Variants in DSCAML1 observed in about 807,000 individuals in gnomAD.
DSCAML1 encodes cell adhesion molecule DSCAML1.
Under a neutral mutation model 200.5 loss-of-function variants are expected in DSCAML1, and 38 were observed. That is an observed-to-expected ratio of 0.19 (90% CI 0.15 to 0.25). The LOEUF (loss-of-function observed/expected upper bound fraction) is 0.25, where lower values mean the gene tolerates loss of function less well. Among genes scored for constraint, DSCAML1 ranks in the 10% least tolerant of loss-of-function variants. The pLI is 1.00. For missense variants in DSCAML1, 2,223 were observed against 2,858.8 expected (o/e 0.78, Z 5.07); for synonymous variants, 1,215 against 1,165.0 (o/e 1.04, Z -0.87).
At chr11:117,816,808 G>GC (rs140947261) in intron 1 of DSCAML1, among the ~76,000 whole-genome samples, 62,667 of 128,116 alleles carry the variant, frequency 0.49, 13,914 homozygotes, top group South Asian at 0.59. Context: ...TGGGGGGGTG[G>GC]GGTGGAGATT....
At chr11:117,745,893 T>G (rs1024493682) in intron 3 of DSCAML1, among the ~76,000 whole-genome samples, 2 of 152,070 alleles carry the variant, frequency 1.3e-5, no homozygotes, top group African/African-American at 2.4e-5. Flanking sequence ...TTAAGTGAAT[T>G]AATTAACTTA....
chr11:117,542,421 C>T (rs368229464), intron 3 of DSCAML1, among the ~76,000 whole-genome samples: 19 of 152,280 alleles, frequency 1.2e-4, no homozygotes, highest in African/African-American at 4.3e-4. Flanking sequence ...ACTCAAGCTG[C>T]CTTGGGTGGT....
intron 19 of DSCAML1, among the ~76,000 whole-genome samples, chr11:117,458,419 G>A (rs2048415774): frequency 1.3e-5 from 2 of 152,288 alleles, no homozygotes; most frequent in Non-Finnish European, 2.9e-5. Flanking sequence ...TGTATCCAGA[G>A]GAAAGCAGGC....
chr11:117,768,073 T>C (rs936923327), intron 3 of DSCAML1, among the ~76,000 whole-genome samples: 4 of 152,146 alleles, frequency 2.6e-5, no homozygotes, highest in Non-Finnish European at 1.5e-5. Context: ...AGTGACATCA[T>C]CTGAAAGCAC....
In DSCAML1 at chr11:117,542,980, T is replaced by C. The variant is rs1454007442; in HGVS notation, c.512-10458A>G. ...CCCCGTGAGGTGGACTTCTCTCTCC[T>C]TTCTGGGCAGAGGTTGGTCCCCTGG... is the stretch of plus-strand genomic sequence containing the variant. On this transcript the variant is annotated intron_variant, in intron 3 of 32. Transcript: ENST00000651296. Among the ~76,000 whole-genome samples, 4 of 152,344 alleles carry C rather than the reference T, an allele frequency of 2.6e-5. No individual in the cohort carries two copies. The South Asian group carries it at 8.3e-4, about 32-fold the overall frequency.
chr11:117,671,669 A>G (rs937820590), intron 3 of DSCAML1, among the ~76,000 whole-genome samples: 1 of 152,224 alleles, frequency 6.6e-6, no homozygotes, highest in Non-Finnish European at 1.5e-5. Flanking sequence ...TACAAATTCT[A>G]TCACACCTAC....
intron 3 of DSCAML1, among the ~76,000 whole-genome samples, chr11:117,770,671 T>TAA (rs5795106): frequency 1.3e-4 from 20 of 148,884 alleles, no homozygotes; most frequent in South Asian, 4.2e-4. Context: ...AACACAGACC[T>TAA]AAAAAAAAAA....
chr11:117,583,642 G>C (rs371245463), intron 3 of DSCAML1, among the ~76,000 whole-genome samples: 2 of 152,114 alleles, frequency 1.3e-5, no homozygotes. Context: ...CATCAGCCCC[G>C]GAGCCCTTGG....
chr11:117,564,448 A>ACC, intron 3 of DSCAML1, among the ~76,000 whole-genome samples: 1 of 152,270 alleles, frequency 6.6e-6, no homozygotes, highest in Non-Finnish European at 1.5e-5. Flanking sequence ...AATCATCCGC[A>ACC]ATCAATAGGC....
intron 1 of DSCAML1, among the ~76,000 whole-genome samples, chr11:117,809,017 T>C (rs1033839809): frequency 1.3e-5 from 2 of 152,220 alleles, no homozygotes; most frequent in African/African-American, 4.8e-5. Context: ...CGCCCACGCC[T>C]GTCTACCCTG....
intron 3 of DSCAML1, among the ~76,000 whole-genome samples, chr11:117,610,847 C>CG (rs966636096): frequency 4.1e-5 from 6 of 147,540 alleles, no homozygotes; most frequent in East Asian, 4.0e-4. Flanking sequence ...ACAACCCCCC[C>CG]CCCCCACAAT....
intron 3 of DSCAML1, among the ~76,000 whole-genome samples, chr11:117,741,072 A>T (rs1235323302): frequency 6.6e-6 from 1 of 152,258 alleles, no homozygotes; most frequent in Non-Finnish European, 1.5e-5. Flanking sequence ...TCTTATTTAT[A>T]AATATCCCTA....
chr11:117,497,844 G>T (rs1014317683), intron 11 of DSCAML1, among the ~76,000 whole-genome samples: 2 of 152,206 alleles, frequency 1.3e-5, no homozygotes, highest in Non-Finnish European at 2.9e-5. Flanking sequence ...CCAGGCCAGC[G>T]TAACTCAGCA....
At chr11:117,676,082 T>C (rs1212186474) in intron 3 of DSCAML1, among the ~76,000 whole-genome samples, 1 of 151,918 alleles carries the variant, frequency 6.6e-6, no homozygotes, top group Non-Finnish European at 1.5e-5. Flanking sequence ...TTTATCATGA[T>C]TGAAACAGTA....
rs577573191 is a variant in DSCAML1, at chr11:117,476,166, T to C, written c.2786-4130A>G. The stretch of plus-strand genomic sequence containing the variant: ...AAAGGGTTTATGATGCAAAATATTC[T>C]TCTTAAAAATAAGGAAGCGGCTGGG... On this transcript the variant is annotated intron_variant, in intron 14 of 32. Transcript: ENST00000651296. Among the ~76,000 whole-genome samples, 136 of 152,326 alleles carry C rather than the reference T, an allele frequency of 8.9e-4. 1 individual carries two copies. Among genetic ancestry groups the C allele is most frequent in the African/African-American group, 3.2e-3 (133 of 41,584 alleles).
At chr11:117,639,796 G>T (rs1035904799) in intron 3 of DSCAML1, among the ~76,000 whole-genome samples, 1 of 152,218 alleles carries the variant, frequency 6.6e-6, no homozygotes, top group Non-Finnish European at 1.5e-5. Context: ...GAGGCCCCGG[G>T]AACTCTGGTG....
At chr11:117,514,002 G>A (rs1189162009) in intron 8 of DSCAML1, among the ~76,000 whole-genome samples, 2 of 152,164 alleles carry the variant, frequency 1.3e-5, no homozygotes, top group Non-Finnish European at 2.9e-5. Context: ...GATGTCCAGT[G>A]ATATCACATG....
At chr11:117,786,649 G>A (rs2055357908) in intron 1 of DSCAML1, among the ~76,000 whole-genome samples, 1 of 152,118 alleles carries the variant, frequency 6.6e-6, no homozygotes, top group South Asian at 2.1e-4. Context: ...GTTGCTCTGA[G>A]GTGTACACTG....
At chr11:117,669,410 G>A (rs1236545055) in intron 3 of DSCAML1, among the ~76,000 whole-genome samples, 1 of 152,240 alleles carries the variant, frequency 6.6e-6, no homozygotes, top group African/African-American at 2.4e-5. Context: ...GCCTGAGCTG[G>A]GTGAGTGGTG....
Sources: gnomAD v4.1 joint callset for allele counts (sites outside exome capture counted in the v4.1 genomes callset) on GRCh38, gnomAD v4.1.1 for gene constraint, MANE v1.5 for transcripts, NCBI Gene and HGNC (gene_info 2026-07-23, HGNC 2026-07-21) for gene names.